Variants in ASAP2 observed in about 807,000 individuals in gnomAD.
The protein encoded by ASAP2 is ArfGAP with SH3 domain, ankyrin repeat and PH domain 2.
Under a neutral mutation model 131.4 loss-of-function variants are expected in ASAP2, and 45 were observed. The ratio of observed to expected loss-of-function variants is 0.34; its 90% CI spans 0.27 to 0.44. ASAP2 has a LOEUF of 0.44. ASAP2 is among the 20% of genes least tolerant of loss of function. The probability of loss-of-function intolerance (pLI) is 1.00; values close to 1 mark genes in which losing one functional copy is unlikely to be tolerated. For missense variants in ASAP2, 1,011 were observed against 1,297.0 expected (o/e 0.78, Z 3.39); for synonymous variants, 510 against 503.0 (o/e 1.01, Z -0.19).
At chr2:9,328,110 T>C (rs1320162820) in intron 7 of ASAP2, among the ~76,000 whole-genome samples, 199 bp downstream of exon 7, 1 of 152,194 alleles carries the variant, frequency 6.6e-6, no homozygotes, top group Non-Finnish European at 1.5e-5. Context: ...GGCCATGTAC[T>C]GTATGATCCC....
chr2:9,329,112 C>T (rs770126504), intron 7 of ASAP2, among the ~76,000 whole-genome samples: 3 of 152,054 alleles, frequency 2.0e-5, no homozygotes, highest in African/African-American at 7.2e-5. Context: ...GAGTAGGAGC[C>T]GGCAGATAAG....
At chr2:9,325,507 TAGTAA>T (rs1330878068) in intron 6 of ASAP2, among the ~76,000 whole-genome samples, 2 of 152,226 alleles carry the variant, frequency 1.3e-5, no homozygotes, top group Non-Finnish European at 2.9e-5. Context: ...TCTTTTTGGT[TAGTAA>T]AGTAGACATC....
intron 12 of ASAP2, among the ~76,000 whole-genome samples, chr2:9,352,271 A>G (rs1205188499): frequency 6.6e-6 from 1 of 152,044 alleles, no homozygotes. Context: ...CTGCTGGGAT[A>G]CCTGTGTCTA....
intron 3 of ASAP2, among the ~76,000 whole-genome samples, chr2:9,307,158 C>T (rs777650190): frequency 7.9e-5 from 12 of 152,220 alleles, no homozygotes; most frequent in Non-Finnish European, 1.2e-4. Flanking sequence ...GCATCAGCAT[C>T]GCCTGCGTGG....
chr2:9,356,351 C>CACAG lies in ASAP2; in HGVS notation c.1327+6_1327+7insACAG. 1 of 1,578,378 alleles carries CACAG rather than the reference C, an allele frequency of 6.3e-7. No individual in the cohort carries two copies. Among genetic ancestry groups the CACAG allele is most frequent in the Non-Finnish European group, 8.6e-7 (1 of 1,162,924 alleles). On this transcript the variant is annotated splice_region_variant and intron_variant, in intron 14 of 27. Transcript: ENST00000281419. ...CTGTGACTGTGGGGCGCCAGGTGACCCAGGGACCCCACCCGACCCTGGGCT... is the reference window on the plus strand; with the variant it reads ...CTGTGACTGTGGGGCGCCAGGTGACCACAGCAGGGACCCCACCCGACCCTGGGCT...
rs752874193 is a variant in ASAP2, at chr2:9,385,368, A to G, written c.2130+10A>G. 6.2e-7 allele frequency: 1 copy of G among 1,602,202 alleles called. No homozygotes were observed. Among genetic ancestry groups the G allele is most frequent in the African/African-American group, 1.3e-5 (1 of 74,674 alleles). On this transcript the variant is annotated intron_variant, in intron 21 of 27. Coordinates refer to ENST00000281419, the MANE Select transcript of ASAP2 (RefSeq NM_003887.3). ...GGATGAGAAATTGCAGGTCTGTGCC[A>G]GGTTGCTAACCATTAAGAGTTTTGA... is the stretch of plus-strand genomic sequence containing the variant.
At chr2:9,380,004 TA>T (rs1235270483) in intron 19 of ASAP2, among the ~76,000 whole-genome samples, 9 of 142,296 alleles carry the variant, frequency 6.3e-5, no homozygotes, top group African/African-American at 2.6e-4. Flanking sequence ...AAAAAAAAAA[TA>T]AATAAAGTAT....
At chr2:9,286,447 A>AAAAAAAAATATATATAT (rs58605449) in intron 2 of ASAP2, among the ~76,000 whole-genome samples, 1 of 148,418 alleles carries the variant, frequency 6.7e-6, no homozygotes, top group African/African-American at 2.5e-5. Flanking sequence ...GAAAAAAAAA[A>AAAAAAAAATATATATAT]ATATATATAT....
intron 1 of ASAP2, among the ~76,000 whole-genome samples, chr2:9,249,089 T>C (rs1055508646): frequency 6.6e-6 from 1 of 152,220 alleles, no homozygotes; most frequent in Non-Finnish European, 1.5e-5. Context: ...GCTGGGCATG[T>C]AGGGGCTGAG....
chr2:9,318,481 C>G, intron 3 of ASAP2, 43 bp from the exon 4 acceptor site: 1 of 1,441,466 alleles, frequency 6.9e-7, no homozygotes, highest in Non-Finnish European at 9.7e-7. Context: ...TTTAGATTCA[C>G]AAGGAAGCTG....
Position 9,239,648 on chromosome 2 carries a change from G to A in ASAP2, c.126+32418G>A, listed in dbSNP as rs114211223. Among the ~76,000 whole-genome samples, 688 of 152,174 alleles carry A rather than the reference G, an allele frequency of 4.5e-3. 4 individuals are homozygous for A. The highest frequency in any genetic ancestry group is 0.016 in the African/African-American group (656 of 41,534). ...ATTAACCGAGCACCATTTATGTGCC[G>A]GCCATTTGGACCCATCTAAGGGGCA... On this transcript the variant is annotated intron_variant, in intron 1 of 27. Coordinates refer to ENST00000281419, the MANE Select transcript of ASAP2 (RefSeq NM_003887.3).
At chr2:9,214,816 C>T (rs1033892518) in intron 1 of ASAP2, among the ~76,000 whole-genome samples, 36 of 151,146 alleles carry the variant, frequency 2.4e-4, no homozygotes, top group Admixed American at 2.2e-3. Flanking sequence ...GGACTAGCTC[C>T]TTCCTTAGAA....
chr2:9,228,947 A>G (rs1405287815), intron 1 of ASAP2, among the ~76,000 whole-genome samples: 2 of 152,136 alleles, frequency 1.3e-5, no homozygotes, highest in Non-Finnish European at 2.9e-5. Flanking sequence ...CTCACGGGCC[A>G]ACTCCCCAGA....
chr2:9,334,345 A>T lies in ASAP2; in HGVS notation c.687-393A>T, dbSNP rs12692381. Among the ~76,000 whole-genome samples the T allele has an allele frequency of 9.1e-3, 1,388 of 151,868 alleles. 28 individuals are homozygous for T. The highest frequency in any genetic ancestry group is 0.031 in the African/African-American group (1,300 of 41,394). ...CCCTGGGATTATAGGCATGAGCCAC[A>T]GCACCCGGCCTCTGCATTCCTTTTC... On this transcript the variant is annotated intron_variant, in intron 7 of 27. Coordinates refer to ENST00000281419, the MANE Select transcript of ASAP2 (RefSeq NM_003887.3).
At chr2:9,343,404 G>T (rs951970250) in intron 9 of ASAP2, among the ~76,000 whole-genome samples, 1 of 56,964 alleles carries the variant, frequency 1.8e-5, no homozygotes, top group Non-Finnish European at 2.8e-5. Context: ...GGCACTGGTG[G>T]CCTCCTACTC....
Position 9,374,967 on chromosome 2 carries a change from CTTT to C in ASAP2, c.1746+24_1746+26del. On this transcript the variant is annotated intron_variant, in intron 17 of 27. Coordinates refer to ENST00000281419, the MANE Select transcript of ASAP2 (RefSeq NM_003887.3). The stretch of plus-strand genomic sequence containing the variant: ...CATGTAAGAGTGTGGGTTGTTGCTA[CTTT>C]AAAAAAAAAAAAAAGGCCGGCCACG... The C allele has an allele frequency of 2.1e-6, 3 of 1,423,798 alleles. No individual in the cohort carries two copies. In the East Asian group the frequency reaches 7.4e-5, roughly 35 times the overall value. 88.2% of individuals were successfully genotyped at this position (1,423,798 alleles called of 1,614,324 possible). A position where few individuals can be genotyped will look rare whatever the true frequency, so the allele number is the denominator to read the frequency against.
chr2:9,218,719 A>G (rs1662221475), intron 1 of ASAP2, among the ~76,000 whole-genome samples: 2 of 152,244 alleles, frequency 1.3e-5, no homozygotes, highest in African/African-American at 2.4e-5. Context: ...CGATGAGTCC[A>G]GTCTTTCCAG....
At chr2:9,319,699 C>G (rs1316066653) in intron 4 of ASAP2, among the ~76,000 whole-genome samples, 1 of 152,148 alleles carries the variant, frequency 6.6e-6, no homozygotes, top group African/African-American at 2.4e-5. Context: ...CTGAAGAACC[C>G]CTTTGAAGGG....
intron 24 of ASAP2, among the ~76,000 whole-genome samples, chr2:9,396,219 A>G (rs538955804): frequency 1.3e-5 from 2 of 152,212 alleles, no homozygotes; most frequent in African/African-American, 4.8e-5. Context: ...CTTCAGGACT[A>G]CAGATAGGAG....
Sources: gnomAD v4.1 joint callset for allele counts (sites outside exome capture counted in the v4.1 genomes callset) on GRCh38, gnomAD v4.1.1 for gene constraint, MANE v1.5 for transcripts, NCBI Gene and HGNC (gene_info 2026-07-23, HGNC 2026-07-21) for gene names.